FSD2: variants seen among roughly 807,000 people sequenced by gnomAD.
The protein encoded by FSD2 is fibronectin type III and SPRY domain containing 2.
A neutral mutation model predicts 80.4 loss-of-function variants in FSD2; 71 were observed. The observed-to-expected ratio is 0.88, with a 90% CI of 0.73 to 1.08. The LOEUF is 1.08. FSD2 is among the 50% of genes least tolerant of loss of function. The pLI is 0.00. For synonymous variants in FSD2, 361 were observed against 329.5 expected, an observed-to-expected ratio of 1.10 and a Z score of -1.03; for missense variants, 923 against 913.8, an observed-to-expected ratio of 1.01 and a Z score of -0.13.
chr15:82,782,957 T>C lies in FSD2; in HGVS notation c.804A>G (p.Gln268=). 4 of 1,613,936 alleles carry C rather than the reference T, an allele frequency of 2.5e-6. No individual in the cohort carries two copies. Among genetic ancestry groups the C allele is most frequent in the Non-Finnish European group, 3.4e-6 (4 of 1,179,886 alleles). The change falls in exon 4 of 13, where the codon CAA becomes CAG. Residue 268 remains glutamine, a synonymous_variant. Coordinates refer to ENST00000334574, the MANE Select transcript of FSD2 (RefSeq NM_001007122.4). ...HYNEILETLA[Q]KYEEKIQALG... is the part of the protein sequence containing the mutation. ...GAGCTTGTATTTTTTCCTCATATTT[T>C]TGAGCAAGTGTTTCCAAGATCTCGT...
intron 1 of FSD2, among the ~76,000 whole-genome samples, chr15:82,795,124 T>C (rs1368850745): frequency 6.6e-6 from 1 of 152,220 alleles, no homozygotes; most frequent in Non-Finnish European, 1.5e-5. Context: ...CCCTCTAGCT[T>C]TCTTGTGGTT....
At position 82,768,888 on chromosome 15, in the gene FSD2, AC is replaced by A; in HGVS notation, c.1544del (p.Gly515ValfsTer2). 6.5e-7 allele frequency: 1 copy of A among 1,550,150 alleles called. No homozygotes were observed. The highest frequency in any genetic ancestry group is 8.7e-7 in the Non-Finnish European group (1 of 1,150,588). ...LTQAESPEASGVTESVVGIPT... is the reference protein window; with the variant it reads ...LTQAESPEASXVTESVVGIPT... ...ATGCCCTCATGACTCACTCAGTTAC[AC>A]CCGAGGCTTCTGGACTTTCAGCCTG... is the stretch of plus-strand genomic sequence containing the variant. On this transcript the variant is annotated frameshift_variant, in exon 9 of 13. Coordinates refer to ENST00000334574, the MANE Select transcript of FSD2 (RefSeq NM_001007122.4). LOFTEE classifies it high-confidence loss of function.
At chr15:82,761,771 CT>C (rs1367389870) in intron 12 of FSD2, among the ~76,000 whole-genome samples, 1 of 151,570 alleles carries the variant, frequency 6.6e-6, no homozygotes, top group East Asian at 1.9e-4. Context: ...CTACCTCACT[CT>C]CCTGAGTAGC....
chr15:82,776,823 T>G lies in FSD2; in HGVS notation c.1111+1943A>C, dbSNP rs538969133. Among the ~76,000 whole-genome samples the G allele has an allele frequency of 6.6e-5, 10 of 152,272 alleles. No individual in the cohort carries two copies. The South Asian group carries it at 2.1e-3, about 32-fold the overall frequency. On this transcript the variant is annotated intron_variant, in intron 6 of 12. Transcript: ENST00000334574. ...AGCTAGAGGCATCACACATTCTGAT[T>G]TCAAAATATATTACAAAGCTACAGT...
chr15:82,762,060 C>A (rs1174089598), intron 12 of FSD2, 42 bp downstream of exon 12: 1 of 1,500,654 alleles, frequency 6.7e-7, no homozygotes. Flanking sequence ...TGTAATCTTT[C>A]AAAAGCAAAT....
intron 3 of FSD2, among the ~76,000 whole-genome samples, chr15:82,784,224 A>G (rs1427406974): frequency 2.8e-5 from 4 of 145,154 alleles, no homozygotes; most frequent in African/African-American, 1.0e-4. Context: ...GCAGCATGTA[A>G]GAAGTTTTTT....
Position 82,756,216 on chromosome 15 carries a change from G to A in FSD2, c.*3132C>T. The A allele has an allele frequency of 3.6e-6, 1 of 277,422 alleles. No homozygotes were observed. Among genetic ancestry groups the A allele is most frequent in the Non-Finnish European group, 7.4e-6 (1 of 135,574 alleles). The allele number at this position is 277,422 out of a possible 1,614,324, so 17.2% of individuals were successfully genotyped here. On this transcript the variant is annotated 3_prime_UTR_variant, in exon 13 of 13. Coordinates refer to ENST00000334574, the MANE Select transcript of FSD2 (RefSeq NM_001007122.4). Reference sequence around the variant, plus strand: ...GACTAGAAATTGGCGAAGTTTTCTTGGTAAGTTGAGGAGAGGACTTTTCTT... The same window carrying A: ...GACTAGAAATTGGCGAAGTTTTCTTAGTAAGTTGAGGAGAGGACTTTTCTT...
intron 1 of FSD2, among the ~76,000 whole-genome samples, chr15:82,788,829 C>A (rs1468709145): frequency 6.6e-6 from 1 of 151,952 alleles, no homozygotes; most frequent in Non-Finnish European, 1.5e-5. Context: ...GCCTAGGCAA[C>A]ACAGTGAAAC....
chr15:82,774,389 T>A (rs902506531), intron 6 of FSD2, among the ~76,000 whole-genome samples: 8 of 152,158 alleles, frequency 5.3e-5, no homozygotes, highest in Admixed American at 5.2e-4. Flanking sequence ...AATAATACTT[T>A]AAAGAGCTAC....
intron 6 of FSD2, among the ~76,000 whole-genome samples, chr15:82,775,688 C>T (rs897915806): frequency 5.3e-5 from 8 of 152,070 alleles, no homozygotes; most frequent in African/African-American, 1.9e-4. Flanking sequence ...AAAATTTGGG[C>T]TTAGCTTGTT....
intron 11 of FSD2, among the ~76,000 whole-genome samples, chr15:82,762,631 AC>A (rs2049319029): frequency 1.3e-5 from 2 of 152,322 alleles, no homozygotes; most frequent in African/African-American, 4.8e-5. Flanking sequence ...GGTTAAGGGA[AC>A]CATAAGCTTG....
intron 1 of FSD2, among the ~76,000 whole-genome samples, chr15:82,792,879 G>A (rs924250841): frequency 6.6e-6 from 1 of 152,068 alleles, no homozygotes; most frequent in African/African-American, 2.4e-5. Flanking sequence ...AACAAATATT[G>A]GCCTGTAGTT....
At chr15:82,795,666 C>T (rs1191375247) in intron 1 of FSD2, among the ~76,000 whole-genome samples, 1 of 151,866 alleles carries the variant, frequency 6.6e-6, no homozygotes, top group Non-Finnish European at 1.5e-5. Context: ...CCCATCTCTA[C>T]CAAAAATACA....
At chr15:82,767,570 T>C (rs572504336) in intron 9 of FSD2, among the ~76,000 whole-genome samples, 392 of 152,328 alleles carry the variant, frequency 2.6e-3, no homozygotes, top group Non-Finnish European at 3.9e-3. Context: ...TCAGGTCATC[T>C]CTCAGGTTAC....
chr15:82,802,881 T>C (rs1355166550), intron 1 of FSD2, among the ~76,000 whole-genome samples: 1 of 152,098 alleles, frequency 6.6e-6, no homozygotes, highest in African/African-American at 2.4e-5. Context: ...AAGCCCTAGG[T>C]CCTTCTGTGA....
chr15:82,790,079 G>A (rs1035833791), intron 1 of FSD2, among the ~76,000 whole-genome samples: 1 of 152,198 alleles, frequency 6.6e-6, no homozygotes, highest in African/African-American at 2.4e-5. Context: ...AGGAGGCTGA[G>A]GCAGGAGAAT....
In FSD2 at chr15:82,772,088, C is replaced by T. The variant is rs1487427974; in HGVS notation, c.1252G>A (p.Gly418Arg). ...SYRPVQDSSP[G>R]TDQAEFTVTV... ...AGAGCCTCACCTGCTTGGTCCGTCC[C>T]AGGTGAGCTGTCCTGCACTGGCCGG... The change falls in exon 7 of 13, where the codon GGG becomes AGG. Residue 418 changes from glycine to arginine, a missense_variant. Transcript: ENST00000334574. The T allele has an allele frequency of 1.3e-6, 2 of 1,581,182 alleles. No homozygotes were observed. Among genetic ancestry groups the T allele is most frequent in the South Asian group, 1.2e-5 (1 of 84,840 alleles).
At chr15:82,790,544 T>TTTTGTGTGTGTGTG (rs1555480714) in intron 1 of FSD2, among the ~76,000 whole-genome samples, 3 of 148,688 alleles carry the variant, frequency 2.0e-5, no homozygotes, top group African/African-American at 7.4e-5. Flanking sequence ...GAGCTGCCAT[T>TTTTGTGTGTGTGTG]TGTGTGTGTG....
chr15:82,769,617 A>C (rs1166161306), intron 8 of FSD2, 133 bp downstream of exon 8: 1 of 1,150,570 alleles, frequency 8.7e-7, no homozygotes, highest in African/African-American at 1.5e-5. Flanking sequence ...TGTGTGTTAA[A>C]TAAAAGAAAA....
Sources: allele counts gnomAD v4.1 joint callset (sites outside exome capture counted in the v4.1 genomes callset), GRCh38; gene constraint gnomAD v4.1.1; transcripts MANE v1.5; gene names NCBI Gene and HGNC (gene_info 2026-07-23, HGNC 2026-07-21).